The following MCTS1 variants were observed in gnomAD, a reference collection of about 807,000 sequenced individuals.
MCTS1 encodes the protein malignant T-cell-amplified sequence 1.
For missense variants in MCTS1, 55 were observed against 128.6 expected, an observed-to-expected ratio of 0.43 and a Z score of 2.77; for synonymous variants, 26 against 40.8, an observed-to-expected ratio of 0.64 and a Z score of 1.38.
In MCTS1 at chrX:120,612,660, CGTGTGTGTGTGT is replaced by C. The variant is rs10563395; in HGVS notation, c.*411_*422del. Reference sequence around the variant, plus strand: ...CAGGGGACCCAGCAGTGCTCATTCTCGTGTGTGTGTGTGTGTGTGTGTGTGTATGTGTGTGTG... The same window carrying C: ...CAGGGGACCCAGCAGTGCTCATTCTCGTGTGTGTGTGTGTATGTGTGTGTG... On this transcript the variant is annotated 3_prime_UTR_variant, in exon 6 of 6. Coordinates refer to ENST00000371317, the MANE Select transcript of MCTS1 (RefSeq NM_014060.3). Among the ~76,000 whole-genome samples, 4 of 97,411 alleles carry C rather than the reference CGTGTGTGTGTGT, an allele frequency of 4.1e-5. No homozygotes were observed. Among genetic ancestry groups the C allele is most frequent in the Non-Finnish European group, 8.2e-5 (4 of 49,015 alleles). 84.6% of individuals were successfully genotyped at this position (97,411 alleles called of 115,157 possible).
intron 3 of MCTS1, among the ~76,000 whole-genome samples, chrX:120,606,389 G>A (rs1049590568): frequency 2.7e-5 from 3 of 112,466 alleles, no homozygotes; most frequent in Admixed American, 9.4e-5. Context: ...AATAATGGAT[G>A]TAAAACTAAA....
At position 120,608,229 on chromosome X, in the gene MCTS1, T is replaced by C. The variant is rs1266825758; in HGVS notation, c.267T>C (p.Pro89=). 2 of 1,191,161 alleles carry C rather than the reference T, an allele frequency of 1.7e-6. No individual in the cohort carries two copies. The highest frequency in any genetic ancestry group is 2.3e-6 in the Non-Finnish European group (2 of 882,074). The change falls in exon 4 of 6, where the codon CCT becomes CCC. Residue 89 remains proline, a synonymous_variant. Transcript: ENST00000371317. ...YPTLRLLHKY[P]FILPHQQVDK... ...ATTGTATATCTTTTCTTACAGATCC[T>C]TTTATCCTGCCACACCAGCAGGTTG... is the stretch of plus-strand genomic sequence containing the variant.
At chrX:120,610,692 T>G (rs1323403567) in intron 4 of MCTS1, among the ~76,000 whole-genome samples, 1 of 113,076 alleles carries the variant, frequency 8.8e-6, no homozygotes, top group Non-Finnish European at 1.9e-5. Flanking sequence ...TTCACAGTTT[T>G]TAGTATTTAT....
chrX:120,614,111 A>G lies in MCTS1; in HGVS notation c.*1847A>G, dbSNP rs1245382702. On this transcript the variant is annotated 3_prime_UTR_variant, in exon 6 of 6. Transcript: ENST00000371317. ...GAGAGATCATTTGGCTGGCTGTTCCAGCTGGGTCTCCCAGGATGTAACATA... is the reference window on the plus strand; with the variant it reads ...GAGAGATCATTTGGCTGGCTGTTCCGGCTGGGTCTCCCAGGATGTAACATA... Among the ~76,000 whole-genome samples the G allele has an allele frequency of 4.4e-5, 5 of 112,442 alleles. No homozygotes were observed. In the East Asian group the frequency reaches 1.4e-3, roughly 32 times the overall value.
chrX:120,607,852 C>T (rs1158293848), intron 3 of MCTS1, among the ~76,000 whole-genome samples: 3 of 110,925 alleles, frequency 2.7e-5, no homozygotes, highest in Non-Finnish European at 3.8e-5. Flanking sequence ...TTTTACTCTG[C>T]GTTTTTCACT....
In MCTS1 at chrX:120,615,117, AT is replaced by A. The variant is rs1926811217; in HGVS notation, c.*2855del. ...GTGTGATCCTTGTCATTTTCTAAAC[AT>A]TAGGTCATACATGAAAGGCAATTCA... On this transcript the variant is annotated 3_prime_UTR_variant, in exon 6 of 6. Coordinates refer to ENST00000371317, the MANE Select transcript of MCTS1 (RefSeq NM_014060.3). 8.9e-6 allele frequency among the ~76,000 whole-genome samples: 1 copy of A among 111,931 alleles called. No individual in the cohort carries two copies.
Position 120,605,449 on chromosome X carries a change from A to G in MCTS1, c.54A>G (p.Lys18=). Residue 18 remains lysine (K), a synonymous_variant, in exon 2 of 6, where the codon AAA becomes AAG. Coordinates refer to ENST00000371317, the MANE Select transcript of MCTS1 (RefSeq NM_014060.3). ...KENVSNCIQL[K]TSVIKGIKNQ... ...ATGTGTCCAACTGCATCCAGTTGAA[A>G]ACTTCAGTTATTAAGGGTATTAAGA... 1 of 1,188,155 alleles carries G rather than the reference A, an allele frequency of 8.4e-7. No individual in the cohort carries two copies. Among genetic ancestry groups the G allele is most frequent in the Non-Finnish European group, 1.1e-6 (1 of 886,864 alleles).
rs761859196 is a variant in MCTS1, at chrX:120,620,286, C to G, written c.*8022C>G. Among the ~76,000 whole-genome samples the G allele has an allele frequency of 1.9e-5, 2 of 107,917 alleles. No individual in the cohort carries two copies. The highest frequency in any genetic ancestry group is 4.1e-4 in the South Asian group (1 of 2,465). The allele number at this position is 107,917 out of a possible 115,157, so 93.7% of individuals were successfully genotyped here. Reference sequence around the variant, plus strand: ...TCGCACCACTGCATTCCAGCCTGGACAACAGAGCGAAACTCCGTCTCAAAA... The same window carrying G: ...TCGCACCACTGCATTCCAGCCTGGAGAACAGAGCGAAACTCCGTCTCAAAA... On this transcript the variant is annotated 3_prime_UTR_variant, in exon 6 of 6. Transcript: ENST00000371317.
At position 120,612,160 on chromosome X, in the gene MCTS1, A is replaced by T. The variant is rs1392425806; in HGVS notation, c.465-23A>T. On this transcript the variant is annotated intron_variant, in intron 5 of 5. Transcript: ENST00000371317. ...TATAAAAATGCATAAAAGTATGTTT[A>T]TGTGTTTTTTTTCCTTCTACAGTGA... 15 of 1,075,679 alleles carry T rather than the reference A, an allele frequency of 1.4e-5. No individual in the cohort carries two copies. The South Asian group carries it at 2.9e-4, about 20-fold the overall frequency. The allele number at this position is 1,075,679 out of a possible 1,213,427, so 88.6% of individuals were successfully genotyped here. A position where few individuals can be genotyped will look rare whatever the true frequency, so the allele number is the denominator to read the frequency against.
At chrX:120,610,898 A>G in intron 4 of MCTS1, 113 bp from the exon 5 acceptor site, 1 of 735,236 alleles carries the variant, frequency 1.4e-6, no homozygotes, top group African/African-American at 2.0e-5. Flanking sequence ...AGAAGACACA[A>G]GAGGGGTTCC....
In MCTS1 at chrX:120,608,342, C is replaced by G; in HGVS notation, c.380C>G (p.Ala127Gly). 3 of 1,196,442 alleles carry G rather than the reference C, an allele frequency of 2.5e-6. No individual in the cohort carries two copies. The highest frequency in any genetic ancestry group is 3.4e-6 in the Non-Finnish European group (3 of 886,729). Residue 127 changes from alanine (A) to glycine (G), a missense_variant, in exon 4 of 6, where the codon GCA (alanine) becomes GGA (glycine). Ala to Gly is a moderately conservative substitution (Grantham distance 60). Transcript: ENST00000371317. Reference protein sequence around the residue: ...TSPGAKLYPAAVDTIVAIMAE... With the variant: ...TSPGAKLYPAGVDTIVAIMAE... The stretch of plus-strand genomic sequence containing the variant: ...CCTGGAGCTAAGCTTTACCCTGCTG[C>G]AGTAGATACCATTGTTGTATCCTTC...
chrX:120,609,016 A>G (rs777623949), intron 4 of MCTS1, among the ~76,000 whole-genome samples: 59 of 111,759 alleles, frequency 5.3e-4, no homozygotes, highest in African/African-American at 1.8e-3. Context: ...CATTATTTCC[A>G]TTTCTACCAT....
At position 120,620,981 on chromosome X, in the gene MCTS1, G is replaced by T. The variant is rs1927020838; in HGVS notation, c.*8717G>T. 2 of 111,373 alleles carry T rather than the reference G, an allele frequency of 1.8e-5. No individual in the cohort carries two copies. Among genetic ancestry groups the T allele is most frequent in the Non-Finnish European group, 3.8e-5 (2 of 53,120 alleles). The allele number at this position is 111,373 out of a possible 1,213,427, so 9.2% of individuals were successfully genotyped here. ...GGTAGCCTCTGCCCATCCATATGTG[G>T]CCACTGAGAACTTGAAATGTGACTA... is the stretch of plus-strand genomic sequence containing the variant. On this transcript the variant is annotated 3_prime_UTR_variant, in exon 6 of 6. Transcript: ENST00000371317.
rs1197092508 is a variant in MCTS1, at chrX:120,613,943, G to A, written c.*1679G>A. On this transcript the variant is annotated 3_prime_UTR_variant, in exon 6 of 6. Transcript: ENST00000371317. ...CTAATAACCTTGCTGTTATTCTAGTGTCTTAGCCATCTTCATTTGGTTGTT... is the reference window on the plus strand; with the variant it reads ...CTAATAACCTTGCTGTTATTCTAGTATCTTAGCCATCTTCATTTGGTTGTT... Among the ~76,000 whole-genome samples, 1 of 112,509 alleles carries A rather than the reference G, an allele frequency of 8.9e-6. No individual in the cohort carries two copies. Among genetic ancestry groups the A allele is most frequent in the Non-Finnish European group, 1.9e-5 (1 of 53,336 alleles).
chrX:120,616,880 G>A lies in MCTS1; in HGVS notation c.*4616G>A. 8.9e-6 allele frequency among the ~76,000 whole-genome samples: 1 copy of A among 112,097 alleles called. No homozygotes were observed. Among genetic ancestry groups the A allele is most frequent in the Admixed American group, 9.5e-5 (1 of 10,517 alleles). On this transcript the variant is annotated 3_prime_UTR_variant, in exon 6 of 6. Transcript: ENST00000371317. The stretch of plus-strand genomic sequence containing the variant: ...TATTAATGTCCAATTCTAATTAATG[G>A]ATTGTTTTAGAAATGTATTTGTGAA...
rs768089915 is a variant in MCTS1 at position 120,614,949 on chromosome X, A to G, written c.*2685A>G. 5.5e-4 allele frequency among the ~76,000 whole-genome samples: 62 copies of G among 112,100 alleles called. No individual in the cohort carries two copies. Among genetic ancestry groups the G allele is most frequent in the African/African-American group, 2.0e-3 (62 of 30,877 alleles). On this transcript the variant is annotated 3_prime_UTR_variant, in exon 6 of 6. Coordinates refer to ENST00000371317, the MANE Select transcript of MCTS1 (RefSeq NM_014060.3). ...GTAAGGAACACTTTTTAAATATTCAACATCAACATCTGTGCTTGTTTTTCT... is the reference window on the plus strand; with the variant it reads ...GTAAGGAACACTTTTTAAATATTCAGCATCAACATCTGTGCTTGTTTTTCT...
rs1050189124 is a variant in MCTS1, at chrX:120,617,617, A to G, written c.*5353A>G. Among the ~76,000 whole-genome samples, 2 of 112,374 alleles carry G rather than the reference A, an allele frequency of 1.8e-5. No homozygotes were observed. The highest frequency in any genetic ancestry group is 6.5e-5 in the African/African-American group (2 of 30,966). On this transcript the variant is annotated 3_prime_UTR_variant, in exon 6 of 6. Transcript: ENST00000371317. The stretch of plus-strand genomic sequence containing the variant: ...TTACTTTCAGCCAATATGTGAATAT[A>G]GGAGACTTCAAAAGCATAATCAATT...
chrX:120,618,892 A>C lies in MCTS1; in HGVS notation c.*6628A>C, dbSNP rs1926932812. Among the ~76,000 whole-genome samples the C allele has an allele frequency of 8.9e-6, 1 of 112,279 alleles. No individual in the cohort carries two copies. Reference sequence around the variant, plus strand: ...TCCTCATTAGCTTCTGGGTGTTGTCAAACCCAATCCTCTCTCAAGTACCAA... The same window carrying C: ...TCCTCATTAGCTTCTGGGTGTTGTCCAACCCAATCCTCTCTCAAGTACCAA... On this transcript the variant is annotated 3_prime_UTR_variant, in exon 6 of 6. Transcript: ENST00000371317.
Position 120,604,162 on chromosome X carries a change from C to T in MCTS1, c.-75C>T. On this transcript the variant is annotated 5_prime_UTR_variant, in exon 1 of 6. Coordinates refer to ENST00000371317, the MANE Select transcript of MCTS1 (RefSeq NM_014060.3). ...GCCGGCCTTCCTCGTGTGAGGGGATCTGCCGGACCCCTGCAAATTCAATTT... is the reference window on the plus strand; with the variant it reads ...GCCGGCCTTCCTCGTGTGAGGGGATTTGCCGGACCCCTGCAAATTCAATTT... 1.7e-6 allele frequency: 2 copies of T among 1,148,122 alleles called. No homozygotes were observed. Among genetic ancestry groups the T allele is most frequent in the East Asian group, 3.0e-5 (1 of 33,228 alleles). The allele number at this position is 1,148,122 out of a possible 1,213,427, so 94.6% of individuals were successfully genotyped here.
Sources: gnomAD v4.1 joint callset for allele counts (sites outside exome capture counted in the v4.1 genomes callset) on GRCh38, gnomAD v4.1.1 for gene constraint, MANE v1.5 for transcripts, NCBI Gene and HGNC (gene_info 2026-07-23, HGNC 2026-07-21) for gene names.